The following LIPA variants were observed in gnomAD, a reference collection of about 807,000 sequenced individuals.
The protein encoded by LIPA is lipase A, lysosomal acid type, also known as lysosomal acid lipase/cholesteryl ester hydrolase.
In LIPA, 26 loss-of-function variants were observed where a neutral mutation model predicts 40.6. The ratio of observed to expected loss-of-function variants is 0.64; its 90% CI spans 0.47 to 0.89. LIPA has a LOEUF of 0.89. Ranked by LOEUF, LIPA falls within the 40% of genes least tolerant of loss-of-function variation. The probability of loss-of-function intolerance (pLI) is 0.00; values close to 1 mark genes in which losing one functional copy is unlikely to be tolerated. For synonymous variants in LIPA, 188 were observed against 168.4 expected (o/e 1.12, Z -0.90); for missense variants, 455 against 479.6 (o/e 0.95, Z 0.48).
chr10:89,322,967 G>C (rs143590706), intron 1 of LIPA, among the ~76,000 whole-genome samples: 1 of 152,276 alleles, frequency 6.6e-6, no homozygotes, highest in African/African-American at 2.4e-5. Flanking sequence ...CAGCCAGAGA[G>C]CACAGCCTCC....
chr10:89,328,129 A>T, intron 1 of LIPA: 1 of 1,582,816 alleles, frequency 6.3e-7, no homozygotes, highest in Non-Finnish European at 8.7e-7. Flanking sequence ...TGCAAATTGT[A>T]AGTTGAGTTT....
At chr10:89,269,083 G>A (rs1407437045) in intron 1 of LIPA, among the ~76,000 whole-genome samples, 1 of 152,066 alleles carries the variant, frequency 6.6e-6, no homozygotes, top group East Asian at 1.9e-4. Flanking sequence ...CCAGCACTTT[G>A]GGAGGCTGAG....
intron 2 of LIPA, among the ~76,000 whole-genome samples, chr10:89,411,902 A>G (rs147142801): frequency 0.025 from 3,871 of 152,324 alleles, 110 homozygotes; most frequent in African/African-American, 0.071. Context: ...GTCCTGTGGC[A>G]GCCATCTTGC....
intron 2 of LIPA, among the ~76,000 whole-genome samples, chr10:89,368,926 T>TCACACACACACACACACACACA (rs3063812): frequency 2.0e-5 from 3 of 148,706 alleles, no homozygotes; most frequent in African/African-American, 7.4e-5. Context: ...AACACAAAAC[T>TCACACACACACACACACACACA]CACACACACA....
intron 7 of LIPA, among the ~76,000 whole-genome samples, chr10:89,223,297 C>A (rs920625297): frequency 0.049 from 11 of 224 alleles, no homozygotes; most frequent in African/African-American, 0.22. Flanking sequence ...TAGTACTCAA[C>A]AGGCTTCAGC....
At chr10:89,281,399 G>C (rs991314960) in intron 1 of LIPA, among the ~76,000 whole-genome samples, 6 of 152,094 alleles carry the variant, frequency 3.9e-5, no homozygotes, top group Non-Finnish European at 8.8e-5. Flanking sequence ...ATTCAGTGTT[G>C]AGTTTAGTCT....
chr10:89,253,226 T>A (rs1744895562), upstream of LIPA, among the ~76,000 whole-genome samples: 1 of 152,178 alleles, frequency 6.6e-6, no homozygotes, highest in Non-Finnish European at 1.5e-5. Flanking sequence ...GGTGTATTAG[T>A]CTGTTCTCAT....
chr10:89,295,211 G>A (rs1843406154), intron 1 of LIPA, among the ~76,000 whole-genome samples: 1 of 152,136 alleles, frequency 6.6e-6, no homozygotes, highest in Admixed American at 6.5e-5. Flanking sequence ...GGAACACATT[G>A]TTTTCAAATT....
intron 2 of LIPA, among the ~76,000 whole-genome samples, chr10:89,356,947 G>A (rs1460630472): frequency 1.3e-5 from 2 of 152,094 alleles, no homozygotes; most frequent in Admixed American, 1.3e-4. Flanking sequence ...TCACTTTCTA[G>A]CTCTTCTTCC....
intron 1 of LIPA, among the ~76,000 whole-genome samples, chr10:89,251,080 A>G (rs1393503355): frequency 6.6e-6 from 1 of 152,202 alleles, no homozygotes. Context: ...ATGCTATTTA[A>G]CTTTCTAATA....
chr10:89,223,731 TTCCA>T lies in LIPA; in HGVS notation c.771_774del (p.Cys257Ter), dbSNP rs2133427073. 6.2e-7 allele frequency: 1 copy of T among 1,613,646 alleles called. No individual in the cohort carries two copies. The highest frequency in any genetic ancestry group is 1.1e-5 in the South Asian group (1 of 91,070). ...AATCCACACAGAAGAAAACAGAGAT[TTCCA>T]CAGAGCTCCTTCAGTATGACATGAG... On this transcript the variant is annotated frameshift_variant, in exon 7 of 10. Coordinates refer to ENST00000336233, the MANE Select transcript of LIPA (RefSeq NM_000235.4). LOFTEE classifies it high-confidence loss of function.
chr10:89,380,276 G>T (rs1461845212), intron 2 of LIPA, among the ~76,000 whole-genome samples: 2 of 152,156 alleles, frequency 1.3e-5, no homozygotes, highest in Non-Finnish European at 2.9e-5. Flanking sequence ...CAGAGGAGCA[G>T]ATTGAGCTCC....
rs988262561 is a variant in LIPA, at chr10:89,292,397, T to G, written c.-1-44748A>C. On this transcript the variant is annotated intron_variant, in intron 1 of 5. Transcript: ENST00000282673. ...ATAAAAAGAAAAAAAGGATCTGAAA[T>G]AGCAATCCAGCGGCAGCCACCAATA... The G allele has an allele frequency of 5.3e-5, 8 of 152,302 alleles. No homozygotes were observed. In the South Asian group the frequency reaches 1.7e-3, roughly 32 times the overall value. 9.4% of individuals were successfully genotyped at this position (152,302 alleles called of 1,614,324 possible). A position where few individuals can be genotyped will look rare whatever the true frequency, so the allele number is the denominator to read the frequency against.
intron 2 of LIPA, among the ~76,000 whole-genome samples, chr10:89,397,564 C>T (rs1368836109): frequency 6.6e-6 from 1 of 152,080 alleles, no homozygotes; most frequent in Non-Finnish European, 1.5e-5. Flanking sequence ...TTTATAGAGA[C>T]AGGGTCTTAC....
intron 2 of LIPA, 149 bp downstream of exon 2, chr10:89,247,389 A>G (rs989315550): frequency 5.0e-6 from 1 of 200,966 alleles, no homozygotes; most frequent in African/African-American, 3.2e-5. Flanking sequence ...CAAAAAAAAA[A>G]AAAAAAAAAA....
At chr10:89,334,454 G>A (rs903575807) in intron 1 of LIPA, among the ~76,000 whole-genome samples, 1 of 79,726 alleles carries the variant, frequency 1.3e-5, no homozygotes, top group African/African-American at 4.3e-5. Context: ...TAGCTATTCT[G>A]TTTTTTCTTC....
chr10:89,355,204 T>C (rs1289607694), intron 2 of LIPA, among the ~76,000 whole-genome samples: 2 of 152,222 alleles, frequency 1.3e-5, no homozygotes, highest in African/African-American at 4.8e-5. Flanking sequence ...CAGTCTCCGC[T>C]CCTCCCCACA....
chr10:89,301,348 CCTGCCCTGTCGAGGCTAAATAA>C (rs1843444185), intron 1 of LIPA, among the ~76,000 whole-genome samples: 1 of 152,182 alleles, frequency 6.6e-6, no homozygotes. Context: ...ACTAAAATCC[CCTGCCCTGTCGAGGCTAAATAA>C]CTGCTCCTTA....
At chr10:89,307,312 C>T (rs1240279231) in intron 1 of LIPA, 2 of 1,613,580 alleles carry the variant, frequency 1.2e-6, no homozygotes, top group South Asian at 1.1e-5. Context: ...CAGATGAAGA[C>T]TCTGAGAGGG....
Sources: allele counts gnomAD v4.1 joint callset (sites outside exome capture counted in the v4.1 genomes callset), GRCh38; gene constraint gnomAD v4.1.1; transcripts MANE v1.5; gene names NCBI Gene and HGNC (gene_info 2026-07-23, HGNC 2026-07-21).